Variants in UBE3D observed in about 807,000 individuals in gnomAD.
UBE3D encodes the protein E3 ubiquitin-protein ligase E3D.
A neutral mutation model predicts 49.6 loss-of-function variants in UBE3D; 48 were observed. The ratio of observed to expected loss-of-function variants is 0.97; its 90% CI spans 0.77 to 1.23. The LOEUF (loss-of-function observed/expected upper bound fraction) is 1.23, where lower values mean the gene tolerates loss of function less well. Among genes scored for constraint, UBE3D ranks in the 50% most tolerant of loss-of-function variants. The pLI is 0.00. For synonymous variants in UBE3D, 189 were observed against 174.2 expected (o/e 1.08, Z -0.67); for missense variants, 452 against 468.4 (o/e 0.96, Z 0.32).
chr6:83,028,594 GT>G (rs905346553), intron 5 of UBE3D, among the ~76,000 whole-genome samples: 3 of 152,096 alleles, frequency 2.0e-5, no homozygotes, highest in Admixed American at 1.3e-4. Context: ...CGAAACTAAA[GT>G]TCTAATTTTA....
intron 9 of UBE3D, among the ~76,000 whole-genome samples, chr6:82,928,391 T>G (rs1773912628): frequency 6.6e-6 from 1 of 152,106 alleles, no homozygotes; most frequent in Non-Finnish European, 1.5e-5. Context: ...GAATAGGCAA[T>G]AATATGATTA....
At chr6:83,065,612 G>T (rs1368041543) in intron 1 of UBE3D, 30 bp downstream of exon 1, 1 of 1,609,738 alleles carries the variant, frequency 6.2e-7, no homozygotes, top group Admixed American at 1.7e-5. Context: ...AAAGCGAGCT[G>T]GGCACTGCGC....
intron 8 of UBE3D, among the ~76,000 whole-genome samples, chr6:83,007,056 C>A (rs1780030117): frequency 6.6e-6 from 1 of 151,990 alleles, no homozygotes; most frequent in African/African-American, 2.4e-5. Context: ...GGTGTGGTTA[C>A]ATTTGTTTTT....
chr6:82,956,135 C>A, intron 9 of UBE3D, among the ~76,000 whole-genome samples: 1 of 152,168 alleles, frequency 6.6e-6, no homozygotes, highest in East Asian at 1.9e-4. Context: ...TGTTTTACCA[C>A]ATAACAGAGG....
intron 1 of UBE3D, among the ~76,000 whole-genome samples, chr6:83,062,919 A>G (rs1784258064): frequency 6.6e-6 from 1 of 152,190 alleles, no homozygotes; most frequent in Admixed American, 6.5e-5. Flanking sequence ...TGCAAACACA[A>G]AAATGAATTC....
chr6:82,971,578 T>A (rs1012664144), intron 8 of UBE3D, among the ~76,000 whole-genome samples: 1 of 152,084 alleles, frequency 6.6e-6, no homozygotes, highest in South Asian at 2.1e-4. Context: ...AAAGCAAGGA[T>A]TAAAGATGTT....
chr6:83,003,392 A>C, intron 8 of UBE3D, among the ~76,000 whole-genome samples: 1 of 146,732 alleles, frequency 6.8e-6, no homozygotes, highest in East Asian at 2.1e-4. Flanking sequence ...TATTTCTAGT[A>C]AAAAAAAAAG....
At chr6:82,951,947 G>C (rs1487465990) in intron 9 of UBE3D, among the ~76,000 whole-genome samples, 1 of 152,136 alleles carries the variant, frequency 6.6e-6, no homozygotes, top group Non-Finnish European at 1.5e-5. Flanking sequence ...AGATAGAACA[G>C]TGTCTCCCCA....
At position 82,986,489 on chromosome 6, in the gene UBE3D, A is replaced by C. The variant is rs9353116; in HGVS notation, c.1011-29039T>G. Among the ~76,000 whole-genome samples, 423 of 149,792 alleles carry C rather than the reference A, an allele frequency of 2.8e-3. 7 individuals are homozygous for C. In the East Asian group the frequency reaches 0.055, roughly 20 times the overall value. On this transcript the variant is annotated intron_variant, in intron 8 of 9. Transcript: ENST00000369747. ...CTGTCTCAAAAAAAAAAAAAAAAAA[A>C]AAAAAAAAACTTTTGTACTCTTTTC...
At chr6:83,059,314 C>T (rs1396729733) in intron 1 of UBE3D, among the ~76,000 whole-genome samples, 6 of 152,124 alleles carry the variant, frequency 3.9e-5, no homozygotes, top group Non-Finnish European at 5.9e-5. Flanking sequence ...CACTTAAGCC[C>T]AGGAGGCTGC....
intron 8 of UBE3D, chr6:83,017,494 G>C (rs1013547275): frequency 6.6e-6 from 1 of 151,870 alleles, no homozygotes; most frequent in Non-Finnish European, 1.5e-5. Flanking sequence ...CCCTCAAAAA[G>C]AGTCTCAAAA....
chr6:83,041,911 T>C (rs1449063589), intron 4 of UBE3D, among the ~76,000 whole-genome samples: 1 of 151,788 alleles, frequency 6.6e-6, no homozygotes, highest in Non-Finnish European at 1.5e-5. Flanking sequence ...TTATCGTCTA[T>C]TATATAATTT....
intron 8 of UBE3D, among the ~76,000 whole-genome samples, chr6:82,992,127 A>T (rs143571936): frequency 4.0e-5 from 6 of 150,842 alleles, no homozygotes; most frequent in Non-Finnish European, 8.9e-5. Context: ...AATAATAAGC[A>T]CTCCAACATT....
chr6:82,950,307 TA>T (rs2127765637), intron 9 of UBE3D, among the ~76,000 whole-genome samples: 2 of 152,196 alleles, frequency 1.3e-5, no homozygotes, highest in South Asian at 4.1e-4. Flanking sequence ...ATCAAAACTA[TA>T]ACAGGATATC....
At chr6:83,059,370 CAAG>C (rs1443671531) in intron 1 of UBE3D, among the ~76,000 whole-genome samples, 2 of 152,184 alleles carry the variant, frequency 1.3e-5, no homozygotes, top group African/African-American at 4.8e-5. Flanking sequence ...GGCGACAGAT[CAAG>C]AACCTGTCTA....
At chr6:82,965,583 C>CAAAAAAAAAAA (rs35257086) in intron 8 of UBE3D, among the ~76,000 whole-genome samples, 1 of 86,352 alleles carries the variant, frequency 1.2e-5, no homozygotes, top group African/African-American at 4.4e-5. Flanking sequence ...AACTCCATCT[C>CAAAAAAAAAAA]AAAAAAAAAA....
At chr6:82,984,613 T>C (rs1322434291) in intron 8 of UBE3D, among the ~76,000 whole-genome samples, 2 of 152,216 alleles carry the variant, frequency 1.3e-5, no homozygotes, top group East Asian at 3.8e-4. Context: ...GAGTTTCATT[T>C]ACATTTCTTT....
intron 8 of UBE3D, among the ~76,000 whole-genome samples, chr6:82,974,585 C>A (rs1777583927): frequency 6.6e-6 from 1 of 150,872 alleles, no homozygotes. Context: ...GAATATTTTC[C>A]ATCTGTGGTT....
rs573462274 is a variant in UBE3D, at chr6:83,002,961, G to T, written c.1010+16012C>A. Among the ~76,000 whole-genome samples the T allele has an allele frequency of 4.4e-3, 664 of 152,268 alleles. 6 individuals are homozygous for T. The highest frequency in any genetic ancestry group is 0.015 in the African/African-American group (626 of 41,552). On this transcript the variant is annotated intron_variant, in intron 8 of 9. Transcript: ENST00000369747. ...GCATTTATATAGATTTTGGTTTTTT[G>T]AATAAATTCTGGGGGTGTATTTACC...
Sources: gnomAD v4.1 joint callset for allele counts (sites outside exome capture counted in the v4.1 genomes callset) on GRCh38, gnomAD v4.1.1 for gene constraint, MANE v1.5 for transcripts, NCBI Gene and HGNC (gene_info 2026-07-23, HGNC 2026-07-21) for gene names.